JARID2: variants seen among roughly 807,000 people sequenced by gnomAD.
JARID2 encodes jumonji and AT-rich interaction domain containing 2.
A neutral mutation model predicts 125.6 loss-of-function variants in JARID2; 21 were observed. That is an observed-to-expected ratio of 0.17 (90% CI 0.12 to 0.24). JARID2 has a LOEUF of 0.24. Among genes scored for constraint, JARID2 ranks in the 10% least tolerant of loss-of-function variants. The pLI is 1.00. For missense variants in JARID2, 1,303 were observed against 1,639.6 expected (o/e 0.79, Z 3.55); for synonymous variants, 736 against 661.6 (o/e 1.11, Z -1.73).
chr6:15,442,090 T>C lies in JARID2; in HGVS notation c.324-9916T>C, dbSNP rs1260933634. Among the ~76,000 whole-genome samples, 5 of 152,062 alleles carry C rather than the reference T, an allele frequency of 3.3e-5. No homozygotes were observed. In the East Asian group the frequency reaches 9.6e-4, roughly 29 times the overall value. On this transcript the variant is annotated intron_variant, in intron 3 of 17. Transcript: ENST00000341776. ...TAGCATTGTAGAATACAATTTCTTCTTATATTTCTCTTGCATTTTGAAAAA... is the reference window on the plus strand; with the variant it reads ...TAGCATTGTAGAATACAATTTCTTCCTATATTTCTCTTGCATTTTGAAAAA...
intron 16 of JARID2, among the ~76,000 whole-genome samples, chr6:15,516,004 A>C (rs943343082): frequency 1.3e-5 from 2 of 152,034 alleles, no homozygotes; most frequent in Admixed American, 1.3e-4. Context: ...CAAAAAAAAA[A>C]AAAAAACCCG....
intron 1 of JARID2, among the ~76,000 whole-genome samples, chr6:15,296,090 T>C (rs1025549864): frequency 1.3e-5 from 2 of 152,242 alleles, no homozygotes; most frequent in African/African-American, 4.8e-5. Context: ...ACCTCCTTTA[T>C]TTTGTGATCT....
chr6:15,409,591 T>G (rs940234714), intron 2 of JARID2, among the ~76,000 whole-genome samples: 7 of 152,200 alleles, frequency 4.6e-5, no homozygotes, highest in African/African-American at 1.7e-4. Context: ...CTTTCCATAT[T>G]TTGGTTACTA....
intron 15 of JARID2, 77 bp downstream of exon 15, chr6:15,513,122 A>G (rs1159590118): frequency 3.1e-6 from 5 of 1,599,716 alleles, no homozygotes; most frequent in Non-Finnish European, 4.3e-6. Flanking sequence ...AGCAGGCCTC[A>G]CTTCCTGACA....
At chr6:15,321,186 C>T (rs1389185436) in intron 1 of JARID2, among the ~76,000 whole-genome samples, 1 of 151,994 alleles carries the variant, frequency 6.6e-6, no homozygotes, top group African/African-American at 2.4e-5. Context: ...TGGCCCTGTG[C>T]CATGATATAT....
chr6:15,344,730 G>A (rs542337112), intron 1 of JARID2, among the ~76,000 whole-genome samples: 51 of 151,794 alleles, frequency 3.4e-4, no homozygotes, highest in Non-Finnish European at 6.2e-4. Flanking sequence ...TTAATCCCAG[G>A]TTGTCTCTTA....
intron 3 of JARID2, 121 bp from the exon 4 acceptor site, chr6:15,451,885 G>T: frequency 1.1e-6 from 1 of 928,794 alleles, no homozygotes. Context: ...CCTTAATTAG[G>T]AAGAGTTTGC....
At chr6:15,397,569 T>C (rs1765265073) in intron 2 of JARID2, among the ~76,000 whole-genome samples, 1 of 152,212 alleles carries the variant, frequency 6.6e-6, no homozygotes, top group African/African-American at 2.4e-5. Flanking sequence ...TTACTGTGAA[T>C]ATGAGATCCC....
intron 2 of JARID2, among the ~76,000 whole-genome samples, chr6:15,381,693 T>G (rs945139478): frequency 1.3e-5 from 2 of 152,244 alleles, no homozygotes; most frequent in African/African-American, 4.8e-5. Context: ...GGTGGGGCAT[T>G]TCTCAGATTT....
At chr6:15,392,579 T>G (rs996485936) in intron 2 of JARID2, among the ~76,000 whole-genome samples, 5 of 151,968 alleles carry the variant, frequency 3.3e-5, no homozygotes, top group Non-Finnish European at 7.4e-5. Flanking sequence ...TAGAACTGTG[T>G]GTGATGTTGG....
chr6:15,454,414 C>T (rs1405698559), intron 4 of JARID2, among the ~76,000 whole-genome samples: 1 of 152,160 alleles, frequency 6.6e-6, no homozygotes, highest in African/African-American at 2.4e-5. Flanking sequence ...GCCTTGAAAA[C>T]AGGGAGATAC....
At chr6:15,290,813 G>A (rs1423589453) in intron 1 of JARID2, among the ~76,000 whole-genome samples, 5 of 152,152 alleles carry the variant, frequency 3.3e-5, no homozygotes, top group Admixed American at 3.3e-4. Context: ...GTAGAGATGA[G>A]GTTTCACCAT....
chr6:15,315,324 G>A (rs1762143436), intron 1 of JARID2, among the ~76,000 whole-genome samples: 2 of 152,178 alleles, frequency 1.3e-5, no homozygotes, highest in Admixed American at 1.3e-4. Flanking sequence ...GATGAGAGAT[G>A]TCCCTTTAGA....
At chr6:15,260,692 C>G (rs1198673865) in intron 1 of JARID2, among the ~76,000 whole-genome samples, 1 of 152,230 alleles carries the variant, frequency 6.6e-6, no homozygotes, top group African/African-American at 2.4e-5. Context: ...GCACGCTCTT[C>G]TGTACTTGTG....
At chr6:15,471,210 T>G (rs1326281083) in intron 5 of JARID2, among the ~76,000 whole-genome samples, 2 of 152,208 alleles carry the variant, frequency 1.3e-5, no homozygotes, top group African/African-American at 4.8e-5. Flanking sequence ...TTTGAGTTTG[T>G]GTTGATGGTG....
At chr6:15,438,042 G>T (rs140726843) in intron 3 of JARID2, among the ~76,000 whole-genome samples, 2 of 152,152 alleles carry the variant, frequency 1.3e-5, no homozygotes, top group African/African-American at 4.8e-5. Context: ...GCCTGTTCTG[G>T]GTATGAAGTT....
chr6:15,255,138 C>CT (rs753848936), intron 1 of JARID2, among the ~76,000 whole-genome samples: 7,046 of 121,196 alleles, frequency 0.058, 297 homozygotes, highest in Admixed American at 0.082. Context: ...ACTAGGAATT[C>CT]TTTTTTTTTT....
In JARID2 at chr6:15,513,058, C is replaced by T. The variant is rs755587500; in HGVS notation, c.3266+13C>T. ...TGGATGAGCTCAGGTAACAGACCCCCAGAGCCCACGCCAGAGAGCTGGACC... is the reference window on the plus strand; with the variant it reads ...TGGATGAGCTCAGGTAACAGACCCCTAGAGCCCACGCCAGAGAGCTGGACC... On this transcript the variant is annotated intron_variant, in intron 15 of 17. Transcript: ENST00000341776. 6.2e-7 allele frequency: 1 copy of T among 1,613,924 alleles called. No individual in the cohort carries two copies. Among genetic ancestry groups the T allele is most frequent in the Non-Finnish European group, 8.5e-7 (1 of 1,180,022 alleles).
At chr6:15,351,585 A>T (rs1264621328) in intron 1 of JARID2, among the ~76,000 whole-genome samples, 1 of 152,164 alleles carries the variant, frequency 6.6e-6, no homozygotes, top group Non-Finnish European at 1.5e-5. Context: ...TGCTAGGAGT[A>T]GGTGCATTTA....
Sources: gnomAD v4.1 joint callset for allele counts (sites outside exome capture counted in the v4.1 genomes callset) on GRCh38, gnomAD v4.1.1 for gene constraint, MANE v1.5 for transcripts, NCBI Gene and HGNC (gene_info 2026-07-23, HGNC 2026-07-21) for gene names.